The following EPB41L4A variants were observed in gnomAD, a reference collection of about 807,000 sequenced individuals.
EPB41L4A encodes the protein band 4.1-like protein 4A.
Under a neutral mutation model 108.6 loss-of-function variants are expected in EPB41L4A, and 100 were observed. The observed-to-expected ratio is 0.92, with a 90% CI of 0.78 to 1.09. EPB41L4A has a LOEUF of 1.09. Among genes scored for constraint, EPB41L4A ranks in the 50% least tolerant of loss-of-function variants. The pLI is 0.00. For missense variants in EPB41L4A, 1,030 were observed against 842.7 expected (o/e 1.22, Z -2.75); for synonymous variants, 319 against 289.0 (o/e 1.10, Z -1.05).
rs546273595 is a variant in EPB41L4A, at chr5:112,231,236, G to C, written c.1087+3398C>G. ...ACAGATATTAAAATGGCATTGTTTA[G>C]GAACATTTAAACATATCCATGAGGT... On this transcript the variant is annotated intron_variant, in intron 12 of 22. Transcript: ENST00000261486. Among the ~76,000 whole-genome samples, 6 of 152,176 alleles carry C rather than the reference G, an allele frequency of 3.9e-5. No individual in the cohort carries two copies. In the South Asian group the frequency reaches 1.0e-3, roughly 26 times the overall value.
At chr5:112,406,019 A>AC (rs1762051927) in intron 1 of EPB41L4A, among the ~76,000 whole-genome samples, 1 of 152,176 alleles carries the variant, frequency 6.6e-6, no homozygotes, top group South Asian at 2.1e-4. Flanking sequence ...ATTGGTCCAG[A>AC]CCCCAATATA....
chr5:112,228,034 G>A (rs892608921), intron 12 of EPB41L4A, among the ~76,000 whole-genome samples: 7 of 152,142 alleles, frequency 4.6e-5, no homozygotes, highest in African/African-American at 9.7e-5. Flanking sequence ...AAACATAGTC[G>A]TGATTGCTGA....
At chr5:112,281,564 A>C (rs1752969649) in intron 2 of EPB41L4A, among the ~76,000 whole-genome samples, 1 of 152,182 alleles carries the variant, frequency 6.6e-6, no homozygotes, top group African/African-American at 2.4e-5. Flanking sequence ...CAAGCCACTC[A>C]GTTTCCATTT....
intron 1 of EPB41L4A, among the ~76,000 whole-genome samples, chr5:112,414,772 C>G (rs886453824): frequency 3.9e-5 from 6 of 152,178 alleles, no homozygotes; most frequent in African/African-American, 1.4e-4. Flanking sequence ...AAAAAGACTT[C>G]TTGTAAAATT....
At chr5:112,200,687 T>C (rs1337068025) in intron 15 of EPB41L4A, among the ~76,000 whole-genome samples, 1 of 152,200 alleles carries the variant, frequency 6.6e-6, no homozygotes, top group East Asian at 1.9e-4. Context: ...TTTTCTAGAA[T>C]AGGAACGTTT....
rs546292230 is a variant in EPB41L4A at position 112,166,371 on chromosome 5, C to T, written c.1933-1253G>A. Reference sequence around the variant, plus strand: ...TTGGAATAAAACAGTAAGATCCAAACGCTTCCCACAGCCTTTAAGTCCCTG... The same window carrying T: ...TTGGAATAAAACAGTAAGATCCAAATGCTTCCCACAGCCTTTAAGTCCCTG... On this transcript the variant is annotated intron_variant, in intron 22 of 22. Transcript: ENST00000261486. Among the ~76,000 whole-genome samples the T allele has an allele frequency of 2.3e-3, 348 of 152,346 alleles. 2 individuals are homozygous for T. The highest frequency in any genetic ancestry group is 7.7e-3 in the African/African-American group (321 of 41,574).
At chr5:112,402,151 G>C (rs1178367340) in intron 1 of EPB41L4A, among the ~76,000 whole-genome samples, 1 of 152,162 alleles carries the variant, frequency 6.6e-6, no homozygotes, top group South Asian at 2.1e-4. Context: ...CTCCCTTGCT[G>C]TTCTCATGAT....
chr5:112,184,710 C>T (rs985341538), intron 17 of EPB41L4A, among the ~76,000 whole-genome samples: 5 of 151,776 alleles, frequency 3.3e-5, no homozygotes, highest in Admixed American at 1.3e-4. Context: ...ATGTTTAAGA[C>T]GGAATGACAG....
At chr5:112,298,681 G>T (rs1012604075) in intron 2 of EPB41L4A, among the ~76,000 whole-genome samples, 1 of 151,928 alleles carries the variant, frequency 6.6e-6, no homozygotes, top group African/African-American at 2.4e-5. Context: ...GATTTAGGGA[G>T]GATTTCCTCT....
chr5:112,149,740 T>C (rs1260160429), intron 12 of EPB41L4A, among the ~76,000 whole-genome samples: 1 of 152,178 alleles, frequency 6.6e-6, no homozygotes, highest in Non-Finnish European at 1.5e-5. Context: ...AATATTGTTC[T>C]AAATGCGTGT....
In EPB41L4A at chr5:112,164,939, A is replaced by G; in HGVS notation, c.*51T>C. The G allele has an allele frequency of 6.6e-7, 1 of 1,512,428 alleles. No homozygotes were observed. Among genetic ancestry groups the G allele is most frequent in the Non-Finnish European group, 8.8e-7 (1 of 1,132,932 alleles). The allele number at this position is 1,512,428 out of a possible 1,614,324, so 93.7% of individuals were successfully genotyped here. ...ATACCTATTTCACAGTTTCAAAAGT[A>G]CCAGTGGCGCACACAACCTTCCCAC... On this transcript the variant is annotated 3_prime_UTR_variant, in exon 23 of 23. Coordinates refer to ENST00000261486, the MANE Select transcript of EPB41L4A (RefSeq NM_022140.5).
At chr5:112,266,138 T>A in intron 5 of EPB41L4A, 95 bp downstream of exon 5, 1 of 872,760 alleles carries the variant, frequency 1.1e-6, no homozygotes, top group Non-Finnish European at 1.7e-6. Context: ...CAAAATCTCA[T>A]GGATAAGAAG....
At chr5:112,243,286 TATA>T (rs1561504606) in intron 9 of EPB41L4A, among the ~76,000 whole-genome samples, 1 of 130,514 alleles carries the variant, frequency 7.7e-6, no homozygotes, top group Non-Finnish European at 1.8e-5. Context: ...TATATATATA[TATA>T]TATTTTGTTT....
intron 9 of EPB41L4A, among the ~76,000 whole-genome samples, chr5:112,244,674 A>C (rs1209605153): frequency 6.6e-6 from 1 of 152,198 alleles, no homozygotes; most frequent in East Asian, 1.9e-4. Flanking sequence ...TAGGCTTTCC[A>C]GTTGATCTGC....
intron 1 of EPB41L4A, among the ~76,000 whole-genome samples, chr5:112,353,458 T>C (rs986578717): frequency 6.6e-6 from 1 of 151,716 alleles, no homozygotes; most frequent in African/African-American, 2.4e-5. Context: ...CCAGACAGCA[T>C]GTGCTGAGGT....
intron 3 of EPB41L4A, among the ~76,000 whole-genome samples, chr5:112,278,497 C>G (rs1752753812): frequency 6.6e-6 from 1 of 152,004 alleles, no homozygotes; most frequent in Admixed American, 6.6e-5. Flanking sequence ...GGTGATCCAC[C>G]TGCCTCAGCC....
chr5:112,392,837 G>C (rs1036744533), intron 1 of EPB41L4A: 1 of 152,124 alleles, frequency 6.6e-6, no homozygotes, highest in Non-Finnish European at 1.5e-5. Context: ...GACATAATTG[G>C]AAGTAAAGCA....
At chr5:112,199,722 C>A (rs751127870) in intron 15 of EPB41L4A, among the ~76,000 whole-genome samples, 1 of 152,152 alleles carries the variant, frequency 6.6e-6, no homozygotes, top group African/African-American at 2.4e-5. Context: ...CGCAACACAT[C>A]GAATTCAAAA....
chr5:112,269,985 T>C (rs1054963048), intron 4 of EPB41L4A, among the ~76,000 whole-genome samples: 1 of 152,178 alleles, frequency 6.6e-6, no homozygotes, highest in African/African-American at 2.4e-5. Context: ...GCCTGAAATA[T>C]TGGCCTCACA....
Sources: gnomAD v4.1 joint callset for allele counts (sites outside exome capture counted in the v4.1 genomes callset) on GRCh38, gnomAD v4.1.1 for gene constraint, MANE v1.5 for transcripts, NCBI Gene and HGNC (gene_info 2026-07-23, HGNC 2026-07-21) for gene names.